The following INPP4B variants were observed in gnomAD, a reference collection of about 807,000 sequenced individuals.
INPP4B encodes inositol polyphosphate-4-phosphatase type II B, also known as inositol polyphosphate 4-phosphatase type II.
Under a neutral mutation model 122.5 loss-of-function variants are expected in INPP4B, and 55 were observed. The observed-to-expected ratio is 0.45, with a 90% CI of 0.36 to 0.56. The LOEUF is 0.56. INPP4B is among the 20% of genes least tolerant of loss of function. The pLI, the probability that INPP4B is intolerant of heterozygous loss-of-function variation, is 0.00. For synonymous variants in INPP4B, 403 were observed against 388.7 expected (o/e 1.04, Z -0.43); for missense variants, 1,000 against 1,097.7 (o/e 0.91, Z 1.26).
intron 2 of INPP4B, among the ~76,000 whole-genome samples, chr4:142,585,910 G>T (rs1736094433): frequency 6.6e-6 from 1 of 151,188 alleles, no homozygotes. Flanking sequence ...TGCACAACGG[G>T]CAGGTTTGTT....
intron 1 of INPP4B, among the ~76,000 whole-genome samples, chr4:142,835,520 G>A (rs1015779234): frequency 1.3e-5 from 2 of 152,080 alleles, no homozygotes; most frequent in South Asian, 4.1e-4. Context: ...TCTATAACTA[G>A]AATATAGACC....
In INPP4B at chr4:142,696,156, A is replaced by ACC. The variant is rs1760991116; in HGVS notation, c.-191+29682_-191+29683insGG. Among the ~76,000 whole-genome samples, 3 of 152,130 alleles carry ACC rather than the reference A, an allele frequency of 2.0e-5. No homozygotes were observed. The South Asian group carries it at 6.2e-4, about 32-fold the overall frequency. ...TTACAGTCCAGGAAGTCAAATAATGACACCAGCATATTCGATGGATTAAGG... is the reference window on the plus strand; with the variant it reads ...TTACAGTCCAGGAAGTCAAATAATGACCCACCAGCATATTCGATGGATTAAGG... On this transcript the variant is annotated intron_variant, in intron 2 of 25. Coordinates refer to ENST00000262992, the MANE Select transcript of INPP4B (RefSeq NM_001101669.3).
chr4:142,228,715 A>T (rs1852739852), intron 12 of INPP4B, among the ~76,000 whole-genome samples: 1 of 151,886 alleles, frequency 6.6e-6, no homozygotes, highest in Non-Finnish European at 1.5e-5. Flanking sequence ...TTATAATAAA[A>T]ATAAATTTTA....
intron 2 of INPP4B, among the ~76,000 whole-genome samples, chr4:142,531,837 G>C (rs1427830621): frequency 2.0e-5 from 3 of 152,096 alleles, no homozygotes; most frequent in African/African-American, 7.2e-5. Context: ...ACAAAGGCCA[G>C]TTCTTAGTTG....
intron 25 of INPP4B, among the ~76,000 whole-genome samples, chr4:142,058,041 C>A (rs1445336531): frequency 6.6e-6 from 1 of 151,960 alleles, no homozygotes; most frequent in African/African-American, 2.4e-5. Flanking sequence ...TAGCTTAGGG[C>A]AAAGAACATA....
At chr4:142,112,747 T>C (rs963526242) in intron 21 of INPP4B, 65 bp from the exon 22 acceptor site, 4 of 1,501,344 alleles carry the variant, frequency 2.7e-6, no homozygotes, top group African/African-American at 2.8e-5. Context: ...TTTAGATTTA[T>C]TGGAAGAAAA....
intron 23 of INPP4B, 43 bp from the exon 24 acceptor site, chr4:142,086,299 G>T: frequency 2.7e-6 from 3 of 1,104,226 alleles, no homozygotes; most frequent in Non-Finnish European, 4.1e-6. Context: ...ATGAGACAGT[G>T]TTCACATTAA....
chr4:142,400,461 C>T (rs1366111631), intron 7 of INPP4B, among the ~76,000 whole-genome samples: 8 of 152,076 alleles, frequency 5.3e-5, no homozygotes, highest in Admixed American at 4.6e-4. Flanking sequence ...TAATTATAAG[C>T]TGTACTTTAA....
In INPP4B at chr4:142,507,176, G is replaced by T. The variant is rs1203707297; in HGVS notation, c.-190-44450C>A. Among the ~76,000 whole-genome samples, 3 of 152,228 alleles carry T rather than the reference G, an allele frequency of 2.0e-5. No homozygotes were observed. In the East Asian group the frequency reaches 5.8e-4, roughly 29 times the overall value. On this transcript the variant is annotated intron_variant, in intron 2 of 25. Coordinates refer to ENST00000262992, the MANE Select transcript of INPP4B (RefSeq NM_001101669.3). ...GATCATACAGTATTATAGCCACGAGGATAGTCAGACTCCTCTGAAACAGTG... is the reference window on the plus strand; with the variant it reads ...GATCATACAGTATTATAGCCACGAGTATAGTCAGACTCCTCTGAAACAGTG...
At chr4:142,239,304 T>G (rs1462003508) in intron 11 of INPP4B, among the ~76,000 whole-genome samples, 3 of 152,166 alleles carry the variant, frequency 2.0e-5, no homozygotes, top group Non-Finnish European at 4.4e-5. Context: ...TACATGTACA[T>G]GCGTCCTGCC....
intron 25 of INPP4B, among the ~76,000 whole-genome samples, chr4:142,069,739 A>G (rs1765872358): frequency 6.6e-6 from 1 of 152,222 alleles, no homozygotes; most frequent in Non-Finnish European, 1.5e-5. Context: ...TCTAGAAGAA[A>G]TGGATAAATT....
At chr4:142,125,633 G>C (rs557973340) in intron 18 of INPP4B, among the ~76,000 whole-genome samples, 19 of 152,038 alleles carry the variant, frequency 1.2e-4, no homozygotes, top group African/African-American at 4.6e-4. Flanking sequence ...CTCAATTCAG[G>C]ATTTCTCTTC....
chr4:142,151,293 A>C (rs1324634245), intron 17 of INPP4B, among the ~76,000 whole-genome samples: 1 of 152,146 alleles, frequency 6.6e-6, no homozygotes, highest in South Asian at 2.1e-4. Context: ...CACACACACC[A>C]CATATCAACA....
At chr4:142,178,582 A>C (rs62328227) in intron 15 of INPP4B, among the ~76,000 whole-genome samples, 2,553 of 152,244 alleles carry the variant, frequency 0.017, 42 homozygotes, top group Non-Finnish European at 0.03. Flanking sequence ...CTGTTTGCTC[A>C]ACCAAGCTAC....
intron 2 of INPP4B, among the ~76,000 whole-genome samples, chr4:142,671,210 A>G (rs943993562): frequency 6.6e-6 from 1 of 152,104 alleles, no homozygotes; most frequent in Non-Finnish European, 1.5e-5. Context: ...CTTGAACCAT[A>G]TAAATCTATA....
At chr4:142,510,523 C>T (rs375397977) in intron 2 of INPP4B, among the ~76,000 whole-genome samples, 1 of 152,148 alleles carries the variant, frequency 6.6e-6, no homozygotes, top group South Asian at 2.1e-4. Context: ...GCCTCTTTTG[C>T]ACATAGCTTG....
intron 17 of INPP4B, among the ~76,000 whole-genome samples, chr4:142,158,059 C>T (rs1368451727): frequency 1.3e-5 from 2 of 152,030 alleles, no homozygotes; most frequent in Admixed American, 6.6e-5. Context: ...CACCTCTGTG[C>T]CTCTCACATA....
intron 5 of INPP4B, chr4:142,427,198 T>C (rs1808294317): frequency 4.5e-6 from 1 of 220,558 alleles, no homozygotes. Flanking sequence ...AATGGTGTAG[T>C]TGAAGATCTT....
intron 2 of INPP4B, among the ~76,000 whole-genome samples, chr4:142,716,150 T>C (rs530874464): frequency 1.3e-5 from 2 of 152,228 alleles, no homozygotes; most frequent in East Asian, 3.9e-4. Flanking sequence ...GAGGGGAAAA[T>C]AGTCCTCACC....
Sources: gnomAD v4.1 joint callset for allele counts (sites outside exome capture counted in the v4.1 genomes callset) on GRCh38, gnomAD v4.1.1 for gene constraint, MANE v1.5 for transcripts, NCBI Gene and HGNC (gene_info 2026-07-23, HGNC 2026-07-21) for gene names.